Variants in DOK6 observed in about 807,000 individuals in gnomAD.
The protein encoded by DOK6 is docking protein 6.
DOK6 carries 22 observed loss-of-function variants against 44.0 expected under a neutral mutation model. The ratio of observed to expected loss-of-function variants is 0.50; its 90% CI spans 0.36 to 0.71. DOK6 has a LOEUF of 0.71. DOK6 is among the 30% of genes least tolerant of loss of function. The probability of loss-of-function intolerance (pLI) is 0.00; values close to 1 mark genes in which losing one functional copy is unlikely to be tolerated. For synonymous variants in DOK6, 166 were observed against 145.5 expected (o/e 1.14, Z -1.01); for missense variants, 340 against 416.4 (o/e 0.82, Z 1.60).
At chr18:69,531,559 G>C (rs1026465236) in intron 1 of DOK6, among the ~76,000 whole-genome samples, 19 of 151,682 alleles carry the variant, frequency 1.3e-4, no homozygotes, top group African/African-American at 4.4e-4. Flanking sequence ...GCCATTAAGA[G>C]CCAAAGCCAC....
chr18:69,404,806 TG>T (rs1916169861), intron 1 of DOK6, among the ~76,000 whole-genome samples: 1 of 152,076 alleles, frequency 6.6e-6, no homozygotes. Context: ...TGTGTGTGTG[TG>T]TGTGTGTATT....
chr18:69,483,340 G>C (rs889317518), intron 1 of DOK6, among the ~76,000 whole-genome samples: 1 of 151,936 alleles, frequency 6.6e-6, no homozygotes, highest in African/African-American at 2.4e-5. Flanking sequence ...CAACAGTCAA[G>C]CTGAGAGCCA....
At chr18:69,578,024 T>A (rs1372332853) in intron 2 of DOK6, among the ~76,000 whole-genome samples, 1 of 152,112 alleles carries the variant, frequency 6.6e-6, no homozygotes, top group Non-Finnish European at 1.5e-5. Context: ...CATACCTATG[T>A]AACAAACCTG....
intron 1 of DOK6, among the ~76,000 whole-genome samples, chr18:69,533,268 T>G (rs1035254673): frequency 7.2e-5 from 11 of 152,154 alleles, no homozygotes; most frequent in African/African-American, 2.7e-4. Flanking sequence ...ATAACATAAC[T>G]CCAGTATTAA....
intron 7 of DOK6, among the ~76,000 whole-genome samples, chr18:69,804,750 A>G (rs1981004890): frequency 6.6e-6 from 1 of 152,154 alleles, no homozygotes; most frequent in Non-Finnish European, 1.5e-5. Context: ...TCAGCCTTCA[A>G]CGAAACTACT....
intron 2 of DOK6, among the ~76,000 whole-genome samples, chr18:69,591,598 TA>T (rs1186902477): frequency 1.8e-5 from 1 of 56,562 alleles, no homozygotes. Flanking sequence ...AGGTCGATAT[TA>T]AATATTTTTT....
intron 7 of DOK6, among the ~76,000 whole-genome samples, chr18:69,824,177 T>A (rs1024530101): frequency 1.5e-4 from 18 of 118,804 alleles, no homozygotes; most frequent in African/African-American, 3.2e-4. Context: ...GTATATCTCC[T>A]AATGCTATCC....
chr18:69,488,276 A>G (rs1165370404), intron 1 of DOK6, among the ~76,000 whole-genome samples: 1 of 152,156 alleles, frequency 6.6e-6, no homozygotes, highest in Non-Finnish European at 1.5e-5. Context: ...CCCAGTCTCC[A>G]GATACCATTA....
rs1477416873 is a variant in DOK6, at chr18:69,458,781, T to TA, written c.66+57472dup. 1.1e-4 allele frequency among the ~76,000 whole-genome samples: 17 copies of TA among 152,086 alleles called. 1 individual carries two copies. Among genetic ancestry groups the TA allele is most frequent in the African/African-American group, 4.1e-4 (17 of 41,402 alleles). On this transcript the variant is annotated intron_variant, in intron 1 of 7. Coordinates refer to ENST00000382713, the MANE Select transcript of DOK6 (RefSeq NM_152721.6). ...ATCAAATCAAGAACACAATCCCACT[T>TA]ACGGTAGCCAAAAAGAAAGTGAAAT...
chr18:69,706,809 T>C (rs1469751224), intron 5 of DOK6, among the ~76,000 whole-genome samples: 1 of 151,394 alleles, frequency 6.6e-6, no homozygotes, highest in Non-Finnish European at 1.5e-5. Context: ...CTTGTGATAC[T>C]TTACTGAGAA....
intron 5 of DOK6, among the ~76,000 whole-genome samples, chr18:69,702,399 A>G (rs1986543119): frequency 6.6e-6 from 1 of 152,156 alleles, no homozygotes; most frequent in Non-Finnish European, 1.5e-5. Context: ...AAGAGTTGCA[A>G]TTAACTAAAA....
At chr18:69,797,526 A>T (rs910349069) in intron 7 of DOK6, among the ~76,000 whole-genome samples, 2 of 152,148 alleles carry the variant, frequency 1.3e-5, no homozygotes, top group African/African-American at 4.8e-5. Flanking sequence ...ACTAATTTTT[A>T]AAATAATATA....
intron 2 of DOK6, among the ~76,000 whole-genome samples, chr18:69,564,938 G>T (rs979632659): frequency 6.6e-6 from 1 of 152,136 alleles, no homozygotes; most frequent in African/African-American, 2.4e-5. Flanking sequence ...ATATTTACTA[G>T]ATAAAAATTA....
At chr18:69,734,147 A>T (rs1172924310) in intron 5 of DOK6, among the ~76,000 whole-genome samples, 13 of 147,702 alleles carry the variant, frequency 8.8e-5, no homozygotes, top group East Asian at 3.9e-4. Context: ...ATGGATTCAA[A>T]TTTTTTTTTT....
intron 3 of DOK6, 124 bp downstream of exon 3, chr18:69,599,622 A>T: frequency 1.5e-6 from 1 of 673,882 alleles, no homozygotes; most frequent in Admixed American, 3.1e-5. Context: ...GCTGTAGAAG[A>T]CTTCGTTCAG....
intron 3 of DOK6, among the ~76,000 whole-genome samples, chr18:69,657,256 T>C (rs1323044213): frequency 1.3e-5 from 2 of 152,214 alleles, no homozygotes; most frequent in Non-Finnish European, 2.9e-5. Context: ...CTTTCTCTGT[T>C]AGAATATTAA....
chr18:69,435,815 C>A (rs555456462), intron 1 of DOK6, among the ~76,000 whole-genome samples: 1 of 151,256 alleles, frequency 6.6e-6, no homozygotes, highest in Non-Finnish European at 1.5e-5. Context: ...GTTATATTTC[C>A]CCCTCCCTCT....
Position 69,757,890 on chromosome 18 carries a change from T to C in DOK6, c.856+17T>C, listed in dbSNP as rs767328551. 1 of 1,605,798 alleles carries C rather than the reference T, an allele frequency of 6.2e-7. No individual in the cohort carries two copies. Among genetic ancestry groups the C allele is most frequent in the Non-Finnish European group, 8.5e-7 (1 of 1,172,462 alleles). On this transcript the variant is annotated intron_variant, in intron 7 of 7. Transcript: ENST00000382713. ...GTTTGCAAGGCAAGTCACTTTAATG[T>C]AAGAAAGCAGTGCCTCCATAAGCTT... is the stretch of plus-strand genomic sequence containing the variant.
intron 1 of DOK6, among the ~76,000 whole-genome samples, chr18:69,445,630 T>G (rs1017639383): frequency 2.6e-5 from 4 of 152,220 alleles, no homozygotes; most frequent in Admixed American, 6.5e-5. Flanking sequence ...AACCACTCTT[T>G]CATTTCTAAA....
Sources: gnomAD v4.1 joint callset for allele counts (sites outside exome capture counted in the v4.1 genomes callset) on GRCh38, gnomAD v4.1.1 for gene constraint, MANE v1.5 for transcripts, NCBI Gene and HGNC (gene_info 2026-07-23, HGNC 2026-07-21) for gene names.